ITPR2: variants seen among roughly 807,000 people sequenced by gnomAD.
The protein encoded by ITPR2 is inositol 1,4,5-trisphosphate-gated calcium channel ITPR2.
Under a neutral mutation model 317.1 loss-of-function variants are expected in ITPR2, and 207 were observed. That is an observed-to-expected ratio of 0.65 (90% CI 0.58 to 0.73). The LOEUF (loss-of-function observed/expected upper bound fraction) is 0.73. Ranked by LOEUF, ITPR2 falls within the 30% of genes least tolerant of loss-of-function variation. The pLI, the probability that ITPR2 is intolerant of heterozygous loss-of-function variation, is 0.00. For missense variants in ITPR2, 2,613 were observed against 3,284.0 expected (o/e 0.80, Z 4.99); for synonymous variants, 1,156 against 1,149.1 (o/e 1.01, Z -0.12).
At chr12:26,664,536 T>A (rs1431862354) in intron 14 of ITPR2, among the ~76,000 whole-genome samples, 1 of 152,178 alleles carries the variant, frequency 6.6e-6, no homozygotes, top group Non-Finnish European at 1.5e-5. Flanking sequence ...CACCTGGAGA[T>A]GAGCTGCTAG....
intron 37 of ITPR2, among the ~76,000 whole-genome samples, chr12:26,510,420 G>C (rs568481589): frequency 2.6e-4 from 39 of 152,332 alleles, no homozygotes; most frequent in African/African-American, 6.3e-4. Context: ...CATAAGAAAA[G>C]AAGATGCTTC....
intron 1 of ITPR2, among the ~76,000 whole-genome samples, chr12:26,795,645 C>G (rs1950422409): frequency 6.6e-6 from 1 of 152,080 alleles, no homozygotes; most frequent in African/African-American, 2.4e-5. Context: ...AGAAGAGTCA[C>G]AAGGCCACTG....
chr12:26,589,796 A>AT (rs1945638154), intron 32 of ITPR2, among the ~76,000 whole-genome samples: 1 of 49,334 alleles, frequency 2.0e-5, no homozygotes, highest in Non-Finnish European at 6.1e-5. Context: ...CAAAAAAAAA[A>AT]ATAAATAAAT....
At chr12:26,356,965 T>C (rs187372785) in intron 55 of ITPR2, among the ~76,000 whole-genome samples, 72 of 152,354 alleles carry the variant, frequency 4.7e-4, no homozygotes, top group Middle Eastern at 3.4e-3. Context: ...AATTCCTACA[T>C]GTAAAACTTG....
At chr12:26,742,999 G>C (rs1949260269) in intron 2 of ITPR2, among the ~76,000 whole-genome samples, 1 of 152,160 alleles carries the variant, frequency 6.6e-6, no homozygotes, top group Non-Finnish European at 1.5e-5. Context: ...TGGGAGGAGG[G>C]GGAAATTGGG....
At chr12:26,442,683 C>T (rs963162290) in intron 46 of ITPR2, among the ~76,000 whole-genome samples, 23 of 152,084 alleles carry the variant, frequency 1.5e-4, no homozygotes, top group Non-Finnish European at 2.9e-4. Context: ...AGCTATGGTA[C>T]TATTAATGTT....
At chr12:26,517,984 C>G (rs1943569920) in intron 37 of ITPR2, among the ~76,000 whole-genome samples, 1 of 152,194 alleles carries the variant, frequency 6.6e-6, no homozygotes, top group African/African-American at 2.4e-5. Flanking sequence ...GAACTTAAAA[C>G]AGAACTACCA....
At chr12:26,387,668 A>G (rs1023994896) in intron 54 of ITPR2, 74 bp from the exon 55 acceptor site, 1 of 1,386,028 alleles carries the variant, frequency 7.2e-7, no homozygotes, top group African/African-American at 1.4e-5. Context: ...TAAAAACAAA[A>G]CACAATAATT....
At chr12:26,735,222 G>A (rs928580427) in intron 2 of ITPR2, among the ~76,000 whole-genome samples, 3 of 152,196 alleles carry the variant, frequency 2.0e-5, no homozygotes, top group South Asian at 2.1e-4. Flanking sequence ...GGCTGGTCTC[G>A]AACTCCTGAC....
intron 47 of ITPR2, 28 bp downstream of exon 47, chr12:26,439,099 A>G (rs961549952): frequency 2.1e-6 from 3 of 1,461,654 alleles, no homozygotes; most frequent in Non-Finnish European, 2.8e-6. Flanking sequence ...TATGCACAAA[A>G]CTAACCATTT....
intron 2 of ITPR2, among the ~76,000 whole-genome samples, chr12:26,737,943 A>G (rs1346264645): frequency 1.3e-5 from 2 of 152,190 alleles, no homozygotes; most frequent in East Asian, 1.9e-4. Context: ...CCAGATTAAA[A>G]TAAGATTAAC....
intron 2 of ITPR2, among the ~76,000 whole-genome samples, chr12:26,772,139 G>A (rs956453290): frequency 2.6e-5 from 4 of 151,536 alleles, no homozygotes; most frequent in Non-Finnish European, 5.9e-5. Context: ...TTCCATTACT[G>A]TTTAAAGAAG....
chr12:26,808,814 G>A (rs1220626902), intron 1 of ITPR2, among the ~76,000 whole-genome samples: 1 of 152,130 alleles, frequency 6.6e-6, no homozygotes, highest in African/African-American at 2.4e-5. Context: ...TGGAAATTCT[G>A]ATCTCTTAAC....
intron 50 of ITPR2, 68 bp from the exon 51 acceptor site, chr12:26,415,566 A>G (rs1450890735): frequency 8.1e-6 from 9 of 1,105,074 alleles, no homozygotes; most frequent in Non-Finnish European, 1.1e-5. Context: ...AAACAAAAAT[A>G]TAATTACAAA....
chr12:26,444,193 T>A (rs1565530194), intron 45 of ITPR2, among the ~76,000 whole-genome samples: 1 of 152,100 alleles, frequency 6.6e-6, no homozygotes, highest in Non-Finnish European at 1.5e-5. Context: ...AAATCAGGCA[T>A]TTAAAAAAGC....
intron 34 of ITPR2, among the ~76,000 whole-genome samples, chr12:26,567,397 A>G (rs1261341572): frequency 2.0e-5 from 3 of 151,974 alleles, no homozygotes; most frequent in African/African-American, 7.3e-5. Flanking sequence ...ACGATCCCAA[A>G]CTCTGTTGAA....
chr12:26,709,112 C>T (rs2137018341), intron 9 of ITPR2, among the ~76,000 whole-genome samples: 1 of 152,240 alleles, frequency 6.6e-6, no homozygotes, highest in East Asian at 1.9e-4. Flanking sequence ...GATTTTGTCC[C>T]AACTGACATA....
intron 9 of ITPR2, among the ~76,000 whole-genome samples, chr12:26,699,699 A>G (rs1255560868): frequency 6.6e-6 from 1 of 152,186 alleles, no homozygotes; most frequent in African/African-American, 2.4e-5. Flanking sequence ...AAGCCACCCA[A>G]ATAAATCCAG....
At chr12:26,482,049 A>G (rs1942555113) in intron 42 of ITPR2, among the ~76,000 whole-genome samples, 1 of 152,202 alleles carries the variant, frequency 6.6e-6, no homozygotes, top group Non-Finnish European at 1.5e-5. Context: ...TGAAAAACTG[A>G]AATCCTGGTG....
Sources: gnomAD v4.1 joint callset for allele counts (sites outside exome capture counted in the v4.1 genomes callset) on GRCh38, gnomAD v4.1.1 for gene constraint, MANE v1.5 for transcripts, NCBI Gene and HGNC (gene_info 2026-07-23, HGNC 2026-07-21) for gene names.